Variants in TFDP2 observed in about 807,000 individuals in gnomAD.
TFDP2 encodes the protein transcription factor Dp-2, also known as transcription factor Dp-2 (E2F dimerization partner 2).
In TFDP2, 17 loss-of-function variants were observed where a neutral mutation model predicts 59.3. The ratio of observed to expected loss-of-function variants is 0.29; its 90% CI spans 0.20 to 0.43. The LOEUF is 0.43. TFDP2 is among the 20% of genes least tolerant of loss of function. The pLI, the probability that TFDP2 is intolerant of heterozygous loss-of-function variation, is 1.00. For synonymous variants in TFDP2, 180 were observed against 194.7 expected (o/e 0.92, Z 0.63); for missense variants, 391 against 528.8 (o/e 0.74, Z 2.56).
intron 3 of TFDP2, among the ~76,000 whole-genome samples, chr3:142,088,613 C>CTT (rs112767886): frequency 2.4e-5 from 3 of 124,014 alleles, no homozygotes; most frequent in Admixed American, 8.2e-5. Context: ...TTTTTTTTTT[C>CTT]TTTTTTTTTT....
rs796709398 is a variant in TFDP2 at position 142,015,995 on chromosome 3, T to TC, written c.83-10452_83-10451insG. 3.3e-5 allele frequency among the ~76,000 whole-genome samples: 5 copies of TC among 152,190 alleles called. No individual in the cohort carries two copies. The South Asian group carries it at 1.0e-3, about 31-fold the overall frequency. On this transcript the variant is annotated intron_variant, in intron 3 of 12. Transcript: ENST00000489671. ...AATAATGTTTATATTGATTACATGT[T>TC]GGATGATGTTTTCAACTTCTTTATT...
intron 3 of TFDP2, among the ~76,000 whole-genome samples, chr3:142,042,526 T>G (rs1218345432): frequency 6.6e-6 from 1 of 151,768 alleles, no homozygotes; most frequent in Non-Finnish European, 1.5e-5. Flanking sequence ...TCTCGATCTC[T>G]TGACCTCGAG....
At chr3:142,101,662 G>T in intron 2 of TFDP2, 73 bp downstream of exon 2, 1 of 986,768 alleles carries the variant, frequency 1.0e-6, no homozygotes, top group Non-Finnish European at 1.4e-6. Flanking sequence ...AACCAGAATG[G>T]TGAGAAAATA....
intron 3 of TFDP2, among the ~76,000 whole-genome samples, chr3:142,042,301 T>C (rs1947016870): frequency 6.7e-6 from 1 of 150,270 alleles, no homozygotes; most frequent in Non-Finnish European, 1.5e-5. Flanking sequence ...TAGTGTTTCT[T>C]TTTTTTTTTG....
At chr3:142,035,426 A>T (rs1946647061) in intron 3 of TFDP2, among the ~76,000 whole-genome samples, 2 of 152,230 alleles carry the variant, frequency 1.3e-5, no homozygotes, top group Non-Finnish European at 2.9e-5. Flanking sequence ...TGTCTAATCA[A>T]GAGTCTCATT....
At chr3:142,078,800 T>G (rs1471300673) in intron 3 of TFDP2, among the ~76,000 whole-genome samples, 1 of 151,902 alleles carries the variant, frequency 6.6e-6, no homozygotes, top group African/African-American at 2.4e-5. Context: ...ACAAATGAAC[T>G]AAGTAAGACA....
At chr3:141,972,504 G>T (rs1476410153) in intron 8 of TFDP2, among the ~76,000 whole-genome samples, 1 of 152,046 alleles carries the variant, frequency 6.6e-6, no homozygotes, top group African/African-American at 2.4e-5. Context: ...CTTTCTCCAT[G>T]CCTGTTCCCT....
chr3:141,998,237 G>A (rs1486228635), intron 4 of TFDP2, among the ~76,000 whole-genome samples: 1 of 152,188 alleles, frequency 6.6e-6, no homozygotes, highest in Non-Finnish European at 1.5e-5. Context: ...GGTAAGACTT[G>A]AACAGCCACA....
At chr3:142,058,326 T>G (rs1157179031) in intron 3 of TFDP2, among the ~76,000 whole-genome samples, 4 of 152,006 alleles carry the variant, frequency 2.6e-5, no homozygotes, top group African/African-American at 4.8e-5. Context: ...TGGGTTTTTT[T>G]TTTTTTTTTT....
intron 3 of TFDP2, among the ~76,000 whole-genome samples, chr3:142,027,744 T>G (rs1375568189): frequency 6.6e-6 from 1 of 152,184 alleles, no homozygotes; most frequent in Non-Finnish European, 1.5e-5. Context: ...TTCAATCAAG[T>G]TGTCATATAT....
At chr3:141,989,505 A>G (rs1045810715) in intron 6 of TFDP2, 4 of 152,248 alleles carry the variant, frequency 2.6e-5, no homozygotes, top group African/African-American at 4.8e-5. Context: ...CAGTTCTCCA[A>G]GTTTCAGCCC....
chr3:142,142,240 A>G (rs1266608042), intron 1 of TFDP2, among the ~76,000 whole-genome samples: 1 of 152,232 alleles, frequency 6.6e-6, no homozygotes, highest in Non-Finnish European at 1.5e-5. Context: ...TAGAAGTGAT[A>G]AACAAATTCA....
At chr3:142,000,417 T>C in intron 4 of TFDP2, 1 of 642,124 alleles carries the variant, frequency 1.6e-6, no homozygotes. Context: ...CTAATTCCAC[T>C]CATAAGGGTG....
intron 3 of TFDP2, among the ~76,000 whole-genome samples, chr3:142,075,994 T>A (rs1455226304): frequency 6.7e-6 from 1 of 150,224 alleles, no homozygotes; most frequent in Non-Finnish European, 1.5e-5. Flanking sequence ...GCGGATCACC[T>A]GAGGTCAGGA....
chr3:142,055,095 T>C (rs1160548756), intron 3 of TFDP2, among the ~76,000 whole-genome samples: 1 of 152,230 alleles, frequency 6.6e-6, no homozygotes, highest in Non-Finnish European at 1.5e-5. Context: ...CATCCACTTT[T>C]GATCCTGCAA....
At chr3:142,004,086 G>A (rs1251669956) in intron 4 of TFDP2, among the ~76,000 whole-genome samples, 2 of 152,124 alleles carry the variant, frequency 1.3e-5, no homozygotes, top group African/African-American at 4.8e-5. Context: ...CTGAGGAGGG[G>A]CAAATGCTTA....
rs943173643 is a variant in TFDP2 at position 141,951,356 on chromosome 3, G to A, written c.*1157C>T. ...ACATAACTGCACTACCATATATCCA[G>A]GCAGTAGGAGTGTTCAACGTTTTCT... On this transcript the variant is annotated 3_prime_UTR_variant, in exon 13 of 13. Coordinates refer to ENST00000489671, the MANE Select transcript of TFDP2 (RefSeq NM_001178139.2). The A allele has an allele frequency of 5.3e-5, 8 of 152,140 alleles. No homozygotes were observed. Among genetic ancestry groups the A allele is most frequent in the Non-Finnish European group, 1.2e-4 (8 of 68,040 alleles). The allele number at this position is 152,140 out of a possible 1,614,324, so 9.4% of individuals were successfully genotyped here.
chr3:142,046,534 T>C (rs1204437483), intron 3 of TFDP2, among the ~76,000 whole-genome samples: 2 of 152,114 alleles, frequency 1.3e-5, no homozygotes, highest in African/African-American at 4.8e-5. Flanking sequence ...ATAAGAGAGA[T>C]GGGAGGGAGA....
intron 3 of TFDP2, chr3:142,044,052 C>G: frequency 3.0e-6 from 2 of 656,018 alleles, no homozygotes; most frequent in Non-Finnish European, 5.7e-6. Flanking sequence ...TGCTGATGAT[C>G]AGCTCATCTT....
Sources: gnomAD v4.1 joint callset for allele counts (sites outside exome capture counted in the v4.1 genomes callset) on GRCh38, gnomAD v4.1.1 for gene constraint, MANE v1.5 for transcripts, NCBI Gene and HGNC (gene_info 2026-07-23, HGNC 2026-07-21) for gene names.